The following C1orf185 variants were observed in gnomAD, a reference collection of about 807,000 sequenced individuals.
C1orf185 encodes the protein uncharacterized protein C1orf185.
C1orf185 carries 13 observed loss-of-function variants against 16.1 expected under a neutral mutation model. The ratio of observed to expected loss-of-function variants is 0.81; its 90% confidence interval spans 0.53 to 1.28. The LOEUF is 1.28. Ranked by LOEUF, C1orf185 falls within the 50% of genes most tolerant of loss-of-function variation. The pLI is 0.00. For synonymous variants in C1orf185, 80 were observed against 76.9 expected, an observed-to-expected ratio of 1.04 and a Z score of -0.21; for missense variants, 220 against 225.2, an observed-to-expected ratio of 0.98 and a Z score of 0.15.
At chr1:51,103,091 A>AT (rs780710730) in intron 1 of C1orf185, among the ~76,000 whole-genome samples, 26 of 152,118 alleles carry the variant, frequency 1.7e-4, no homozygotes, top group Non-Finnish European at 3.2e-4. Flanking sequence ...CATGGTATAT[A>AT]TAATAATGAT....
At chr1:51,132,078 A>T (rs185346136) in intron 3 of C1orf185, among the ~76,000 whole-genome samples, 1 of 152,194 alleles carries the variant, frequency 6.6e-6, no homozygotes, top group Non-Finnish European at 1.5e-5. Context: ...TCAAGGTCAT[A>T]AAATAGGTGA....
At chr1:51,124,155 T>C (rs1406647625) in intron 3 of C1orf185, among the ~76,000 whole-genome samples, 3 of 151,116 alleles carry the variant, frequency 2.0e-5, no homozygotes, top group African/African-American at 7.3e-5. Flanking sequence ...GATCTCGGCT[T>C]GCTGCAAGCT....
chr1:51,129,891 T>C lies in C1orf185; in HGVS notation c.258+11090T>C, dbSNP rs147265603. ...ATTACTTCCCAAAGGCTCCACCTCC[T>C]AATATCATCACATTGAGGGTTAAGA... is the stretch of plus-strand genomic sequence containing the variant. On this transcript the variant is annotated intron_variant, in intron 3 of 4. Coordinates refer to ENST00000371759, the MANE Select transcript of C1orf185 (RefSeq NM_001136508.2). 3 of 152,336 alleles carry C rather than the reference T, an allele frequency of 2.0e-5. No individual in the cohort carries two copies. In the East Asian group the frequency reaches 5.8e-4, roughly 29 times the overall value. 9.4% of individuals were successfully genotyped at this position (152,336 alleles called of 1,614,324 possible). A position where few individuals can be genotyped will look rare whatever the true frequency, so the allele number is the denominator to read the frequency against.
At chr1:51,116,354 A>G (rs1646157845) in intron 2 of C1orf185, among the ~76,000 whole-genome samples, 1 of 141,024 alleles carries the variant, frequency 7.1e-6, no homozygotes, top group East Asian at 2.0e-4. Context: ...TTGATCTGTC[A>G]CCAGGCTGGA....
intron 3 of C1orf185, among the ~76,000 whole-genome samples, chr1:51,120,595 A>C (rs1646190811): frequency 6.6e-6 from 1 of 152,240 alleles, no homozygotes; most frequent in African/African-American, 2.4e-5. Context: ...TTTCGAATGA[A>C]GGACAGTTTG....
At chr1:51,112,241 G>C (rs1321489895) in intron 1 of C1orf185, among the ~76,000 whole-genome samples, 1 of 152,020 alleles carries the variant, frequency 6.6e-6, no homozygotes, top group East Asian at 1.9e-4. Context: ...CATCATCAAA[G>C]AAATGTGCCC....
At chr1:51,145,055 T>G (rs1334867451) in intron 3 of C1orf185, among the ~76,000 whole-genome samples, 1 of 152,168 alleles carries the variant, frequency 6.6e-6, no homozygotes, top group Non-Finnish European at 1.5e-5. Flanking sequence ...CCGGTAATTC[T>G]AATCCCCTAA....
At chr1:51,142,916 A>G (rs1337703729) in intron 3 of C1orf185, among the ~76,000 whole-genome samples, 1 of 152,054 alleles carries the variant, frequency 6.6e-6, no homozygotes, top group African/African-American at 2.4e-5. Flanking sequence ...GGCATGCACC[A>G]TCATGCCTGG....
At chr1:51,142,520 A>C (rs1646371528) in intron 3 of C1orf185, among the ~76,000 whole-genome samples, 1 of 152,218 alleles carries the variant, frequency 6.6e-6, no homozygotes, top group Admixed American at 6.5e-5. Context: ...TAGTGAAGTC[A>C]TCTAGAGTTT....
At chr1:51,110,692 AGCGTGATG>A (rs1325341890) in intron 1 of C1orf185, among the ~76,000 whole-genome samples, 1 of 152,104 alleles carries the variant, frequency 6.6e-6, no homozygotes, top group East Asian at 1.9e-4. Flanking sequence ...TTCTCGGCTG[AGCGTGATG>A]GCTTATGCCT....
chr1:51,142,882 GC>G lies in C1orf185; in HGVS notation c.259-2840del, dbSNP rs1646374419. On this transcript the variant is annotated intron_variant, in intron 3 of 4. Transcript: ENST00000371759. ...CCACCTCCCAGATTCTCATGCCTCA[GC>G]CTCCCAAGTAGCTGGGATTACAGGC... Among the ~76,000 whole-genome samples the G allele has an allele frequency of 2.0e-5, 3 of 152,050 alleles. No homozygotes were observed. In the South Asian group the frequency reaches 6.2e-4, roughly 32 times the overall value.
chr1:51,111,820 C>T (rs1646123029), intron 1 of C1orf185, among the ~76,000 whole-genome samples: 1 of 151,976 alleles, frequency 6.6e-6, no homozygotes, highest in Admixed American at 6.6e-5. Context: ...GCGCCCTGCC[C>T]CTGGTTAATT....
chr1:51,122,437 C>T (rs1646204401), intron 3 of C1orf185, among the ~76,000 whole-genome samples: 1 of 152,226 alleles, frequency 6.6e-6, no homozygotes, highest in East Asian at 1.9e-4. Context: ...AGTCTTCCTA[C>T]CTAATTTTCT....
Position 51,130,967 on chromosome 1 carries a change from A to G in C1orf185, c.258+12166A>G, listed in dbSNP as rs144676395. 8.4e-3 allele frequency among the ~76,000 whole-genome samples: 1,283 copies of G among 152,256 alleles called. 13 individuals are homozygous for G. The highest frequency in any genetic ancestry group is 0.03 in the African/African-American group (1,238 of 41,528). ...GCCCAGGCTGGAGTGCAGCGGCGCT[A>G]TCTTGGCTCACAGCAACCTCCACCT... is the stretch of plus-strand genomic sequence containing the variant. On this transcript the variant is annotated intron_variant, in intron 3 of 4. Coordinates refer to ENST00000371759, the MANE Select transcript of C1orf185 (RefSeq NM_001136508.2).
chr1:51,111,366 C>CTTTTTTTTTTTTTTTTTTTTTTTTT (rs1646117693), intron 1 of C1orf185, among the ~76,000 whole-genome samples: 1 of 108,938 alleles, frequency 9.2e-6, no homozygotes, highest in African/African-American at 4.5e-5. Context: ...ATTTAGCTTT[C>CTTTTTTTTTTTTTTTTTTTTTTTTT]TTTCTTTCTT....
intron 4 of C1orf185, 73 bp downstream of exon 4, chr1:51,145,833 G>T: frequency 1.3e-6 from 1 of 770,240 alleles, no homozygotes; most frequent in Non-Finnish European, 1.9e-6. Flanking sequence ...GAAATCAAGA[G>T]GCTATCCTAA....
At chr1:51,121,108 T>G (rs1414600858) in intron 3 of C1orf185, among the ~76,000 whole-genome samples, 1 of 152,206 alleles carries the variant, frequency 6.6e-6, no homozygotes, top group Admixed American at 6.6e-5. Context: ...TTTTTTGTGG[T>G]GAGAACGCTT....
intron 3 of C1orf185, among the ~76,000 whole-genome samples, chr1:51,145,259 C>T (rs2148034031): frequency 6.6e-6 from 1 of 152,100 alleles, no homozygotes; most frequent in East Asian, 1.9e-4. Context: ...GAGCTATGAT[C>T]ATGCCACTGC....
chr1:51,123,366 C>T (rs766224607), intron 3 of C1orf185, among the ~76,000 whole-genome samples: 3 of 152,164 alleles, frequency 2.0e-5, no homozygotes, highest in Non-Finnish European at 4.4e-5. Context: ...TTCTTTTTAG[C>T]ACGGAATAAT....
Sources: allele counts gnomAD v4.1 joint callset (sites outside exome capture counted in the v4.1 genomes callset), GRCh38; gene constraint gnomAD v4.1.1; transcripts MANE v1.5; gene names NCBI Gene and HGNC (gene_info 2026-07-23, HGNC 2026-07-21).